The following SZT2 variants were observed in gnomAD, a reference collection of about 807,000 sequenced individuals.
SZT2 encodes KICSTOR complex protein SZT2.
Under a neutral mutation model 404.2 loss-of-function variants are expected in SZT2, and 216 were observed. The ratio of observed to expected loss-of-function variants is 0.53; its 90% CI spans 0.48 to 0.60. SZT2 has a LOEUF of 0.60. SZT2 is among the 20% of genes least tolerant of loss of function. The pLI, the probability that SZT2 is intolerant of heterozygous loss-of-function variation, is 0.00. For synonymous variants in SZT2, 1,693 were observed against 1,749.9 expected (o/e 0.97, Z 0.81); for missense variants, 3,857 against 4,459.2 (o/e 0.86, Z 3.85).
In SZT2 at chr1:43,453,028, T is replaced by A; in HGVS notation, c.*2548T>A. ...TCCTTGAAGACAGTCCAAGCATCAC[T>A]ACCTGTAAGCAGCTTTCTCTGATCC... On this transcript the variant is annotated 3_prime_UTR_variant, in exon 72 of 72. Transcript: ENST00000634258. 7.1e-7 allele frequency: 1 copy of A among 1,399,466 alleles called. No homozygotes were observed. Among genetic ancestry groups the A allele is most frequent in the African/African-American group, 1.4e-5 (1 of 70,772 alleles). The allele number at this position is 1,399,466 out of a possible 1,614,324, so 86.7% of individuals were successfully genotyped here.
At chr1:43,397,778 C>T (rs558341870) in intron 1 of SZT2, among the ~76,000 whole-genome samples, 1 of 152,234 alleles carries the variant, frequency 6.6e-6, no homozygotes, top group African/African-American at 2.4e-5. Context: ...ATCCACCCAC[C>T]CCGGCCTCCC....
At position 43,437,330 on chromosome 1, in the gene SZT2, G is replaced by A; in HGVS notation, c.6187+7G>A. ...AGCATGGGGGTCTCTCGGGGTATGT[G>A]ATTGGCATGAGAGGGCAGGTGAGCA... On this transcript the variant is annotated splice_region_variant and intron_variant, in intron 43 of 71. Transcript: ENST00000634258. This position sits in a 1 kb window ranked among gnomAD's most constrained non-coding sequence, Gnocchi z 5.3. 1 of 1,614,174 alleles carries A rather than the reference G, an allele frequency of 6.2e-7. No individual in the cohort carries two copies. The highest frequency in any genetic ancestry group is 8.5e-7 in the Non-Finnish European group (1 of 1,180,030).
chr1:43,427,782 C>A, intron 26 of SZT2, 48 bp downstream of exon 26: 1 of 1,592,538 alleles, frequency 6.3e-7, no homozygotes, highest in Non-Finnish European at 8.6e-7. Flanking sequence ...CCATGGCTCC[C>A]AGCCAAGAAA....
At position 43,451,342 on chromosome 1, in the gene SZT2, G is replaced by T; in HGVS notation, c.*862G>T. The T allele has an allele frequency of 6.2e-7, 1 of 1,612,842 alleles. No individual in the cohort carries two copies. Among genetic ancestry groups the T allele is most frequent in the Non-Finnish European group, 8.5e-7 (1 of 1,179,938 alleles). On this transcript the variant is annotated 3_prime_UTR_variant, in exon 72 of 72. Coordinates refer to ENST00000634258, the MANE Select transcript of SZT2 (RefSeq NM_001365999.1). Reference sequence around the variant, plus strand: ...GGGAGAGGGAGGCCTCGGCACCTCAGCCCACAAGGAGAAAACAGCCCCTGT... The same window carrying T: ...GGGAGAGGGAGGCCTCGGCACCTCATCCCACAAGGAGAAAACAGCCCCTGT...
At chr1:43,411,045 A>T (rs1650977049) in intron 4 of SZT2, among the ~76,000 whole-genome samples, 2 of 152,168 alleles carry the variant, frequency 1.3e-5, no homozygotes, top group South Asian at 4.1e-4. Context: ...TGAATTGGTG[A>T]CTGTAAAGCC....
chr1:43,410,270 T>A (rs1191428774), intron 4 of SZT2: 1 of 152,122 alleles, frequency 6.6e-6, no homozygotes, highest in Non-Finnish European at 1.5e-5. Flanking sequence ...GACTTAAATC[T>A]GGCCAGGCGC....
chr1:43,450,515 T>C lies in SZT2; in HGVS notation c.*35T>C, dbSNP rs1483809381. On this transcript the variant is annotated 3_prime_UTR_variant, in exon 72 of 72. Coordinates refer to ENST00000634258, the MANE Select transcript of SZT2 (RefSeq NM_001365999.1). This position sits in a 1 kb window ranked among gnomAD's most constrained non-coding sequence, Gnocchi z 4.3. The stretch of plus-strand genomic sequence containing the variant: ...CTGGACCACTGAATGTCACTGTTCC[T>C]TGAATCATGGGCCTACCAGATTGCC... 6.2e-7 allele frequency: 1 copy of C among 1,612,516 alleles called. No individual in the cohort carries two copies. The highest frequency in any genetic ancestry group is 8.5e-7 in the Non-Finnish European group (1 of 1,178,950).
Position 43,451,977 on chromosome 1 carries a change from G to A in SZT2, c.*1497G>A, listed in dbSNP as rs372078126. On this transcript the variant is annotated 3_prime_UTR_variant, in exon 72 of 72. Transcript: ENST00000634258. ...AGGAAGTACTGGGGGTCAGTGATGC[G>A]GGTGTTGATGGGCTCCAGCAGTCCC... 67 of 1,611,024 alleles carry A rather than the reference G, an allele frequency of 4.2e-5. No individual in the cohort carries two copies. The highest frequency in any genetic ancestry group is 2.1e-4 in the African/African-American group (16 of 74,844).
At position 43,432,531 on chromosome 1, in the gene SZT2, C is replaced by G. The variant is rs781556562; in HGVS notation, c.5457C>G (p.Ser1819Arg). 1.2e-6 allele frequency: 2 copies of G among 1,606,334 alleles called. No homozygotes were observed. The highest frequency in any genetic ancestry group is 2.2e-5 in the South Asian group (2 of 89,708). ...CTATTCCTCAGACCCTGACAGCCAG[C>G]CCCCAAGCACCTGGGTCCCCAGAGG... is the stretch of plus-strand genomic sequence containing the variant. ...EGIEGETLTA[S>R]PQAPGSPEDS... Residue 1819 changes from serine (S) to arginine (R), a missense_variant, in exon 38 of 72, where the codon AGC becomes AGG. Coordinates refer to ENST00000634258, the MANE Select transcript of SZT2 (RefSeq NM_001365999.1).
At position 43,401,525 on chromosome 1, in the gene SZT2, C is replaced by T. The variant is rs541480543; in HGVS notation, c.28-1652C>T. 3.5e-3 allele frequency among the ~76,000 whole-genome samples: 535 copies of T among 152,148 alleles called. 4 individuals carry two copies. The highest frequency in any genetic ancestry group is 0.012 in the African/African-American group (511 of 41,498). On this transcript the variant is annotated intron_variant, in intron 1 of 71. Transcript: ENST00000634258. ...TTTTTGAGATGGAGTCTCACTCTGT[C>T]GCCCAGGATGGAGTGCAGTGGTGTG...
At chr1:43,404,810 C>A in intron 4 of SZT2, 1 of 359,678 alleles carries the variant, frequency 2.8e-6, no homozygotes, top group Non-Finnish European at 5.0e-6. Flanking sequence ...CTGTAAATCT[C>A]TTTGATTCTG....
intron 65 of SZT2, 113 bp from the exon 66 acceptor site, chr1:43,446,842 A>T (rs1655731488): frequency 7.0e-6 from 8 of 1,140,480 alleles, no homozygotes; most frequent in Non-Finnish European, 1.0e-5. Context: ...GCGTTCCACT[A>T]GGCCACAGCA....
At position 43,430,603 on chromosome 1, in the gene SZT2, T is replaced by A; in HGVS notation, c.4588T>A (p.Ser1530Thr). Reference sequence around the variant, plus strand: ...GGGGCCTGCTGGGCTAGACTCTGCCTCGCTGTCAGACGTAGACACTGTGAA... The same window carrying A: ...GGGGCCTGCTGGGCTAGACTCTGCCACGCTGTCAGACGTAGACACTGTGAA... ...DLGPAGLDSA[S>T]LSDVDTVNPD... is the part of the protein sequence containing the mutation. Residue 1530 changes from serine (S) to threonine (T), a missense_variant, in exon 32 of 72, where the codon TCG becomes ACG. Around this residue, in one of 7 missense-constraint regions of SZT2, gnomAD observed 1,725 missense variants for 1,881.0 expected, o/e 0.92. Transcript: ENST00000634258. 1 of 1,614,194 alleles carries A rather than the reference T, an allele frequency of 6.2e-7. No individual in the cohort carries two copies. Among genetic ancestry groups the A allele is most frequent in the Non-Finnish European group, 8.5e-7 (1 of 1,180,014 alleles).
chr1:43,426,643 CCT>C lies in SZT2; in HGVS notation c.3215-71_3215-70del, dbSNP rs1653180903. 6.6e-7 allele frequency: 1 copy of C among 1,518,828 alleles called. No individual in the cohort carries two copies. The highest frequency in any genetic ancestry group is 1.4e-5 in the African/African-American group (1 of 72,620). 94.1% of individuals were successfully genotyped at this position (1,518,828 alleles called of 1,614,324 possible). On this transcript the variant is annotated intron_variant, in intron 22 of 71. Coordinates refer to ENST00000634258, the MANE Select transcript of SZT2 (RefSeq NM_001365999.1). This position sits in a 1 kb window ranked among gnomAD's most constrained non-coding sequence, Gnocchi z 4.9. The stretch of plus-strand genomic sequence containing the variant: ...GAGTTTTGGCTTTCCCCTTCCTCCC[CCT>C]TTCTTCAACCCAGAGTCCCGCCTCT...
intron 1 of SZT2, among the ~76,000 whole-genome samples, chr1:43,390,444 A>C (rs1648152107): frequency 6.6e-6 from 1 of 152,208 alleles, no homozygotes; most frequent in African/African-American, 2.4e-5. Flanking sequence ...TCATGAAAAA[A>C]ACATTTGAGT....
At position 43,451,569 on chromosome 1, in the gene SZT2, G is replaced by C. The variant is rs1345717564; in HGVS notation, c.*1089G>C. Reference sequence around the variant, plus strand: ...CCTGGGGACAGATGTGGACAAATGTGGGGTCCAGGCTCCTGCCAGGGCCTG... The same window carrying C: ...CCTGGGGACAGATGTGGACAAATGTCGGGTCCAGGCTCCTGCCAGGGCCTG... On this transcript the variant is annotated 3_prime_UTR_variant, in exon 72 of 72. Transcript: ENST00000634258. 6.2e-7 allele frequency: 1 copy of C among 1,613,332 alleles called. No individual in the cohort carries two copies. The highest frequency in any genetic ancestry group is 1.3e-5 in the African/African-American group (1 of 74,814).
In SZT2 at chr1:43,433,293, G is replaced by A. The variant is rs79340880; in HGVS notation, c.5804+103G>A. 5.1e-4 allele frequency: 653 copies of A among 1,281,002 alleles called. 4 individuals carry two copies. The African/African-American group carries it at 8.9e-3, about 17-fold the overall frequency. The allele number at this position is 1,281,002 out of a possible 1,614,324, so 79.4% of individuals were successfully genotyped here. On this transcript the variant is annotated intron_variant, in intron 40 of 71. Coordinates refer to ENST00000634258, the MANE Select transcript of SZT2 (RefSeq NM_001365999.1). ...GTTGTTAGAAGTAAGACTTGGGACT[G>A]AGAGCTTGGGTAGAGATCCAACTTG...
chr1:43,419,871 T>G lies in SZT2; in HGVS notation c.1017T>G (p.Thr339=), dbSNP rs917271404. The change falls in exon 8 of 72, where the codon ACT becomes ACG. Residue 339 remains threonine, a synonymous_variant. Transcript: ENST00000634258. ...CGGAGCCAGGCAACCTGGGTCTGACTGTCTACCACCGGGCATTTCTCCTCT... is the reference window on the plus strand; with the variant it reads ...CGGAGCCAGGCAACCTGGGTCTGACGGTCTACCACCGGGCATTTCTCCTCT... The part of the protein sequence containing the change: ...PEPEPGNLGL[T]VYHRAFLLYS... 1.9e-6 allele frequency: 3 copies of G among 1,598,494 alleles called. No individual in the cohort carries two copies. The African/African-American group carries it at 4.0e-5, about 21-fold the overall frequency.
chr1:43,410,588 C>T (rs561766194), intron 4 of SZT2: 8 of 139,806 alleles, frequency 5.7e-5, no homozygotes, highest in Non-Finnish European at 1.2e-4. Flanking sequence ...AGACTTAAAT[C>T]TAAGACCTCA....
Sources: gnomAD v4.1 joint callset for allele counts (sites outside exome capture counted in the v4.1 genomes callset) on GRCh38, gnomAD v4.1.1 for gene constraint, gnomAD v4.1.1 regional missense constraint, Gnocchi (gnomAD v3.1) non-coding constraint, MANE v1.5 for transcripts, NCBI Gene and HGNC (gene_info 2026-07-23, HGNC 2026-07-21) for gene names.